Variants in TMEM40 observed in about 807,000 individuals in gnomAD.
The protein encoded by TMEM40 is transmembrane protein 40.
TMEM40 carries 34 observed loss-of-function variants against 40.8 expected under a neutral mutation model. The observed-to-expected ratio is 0.83, with a 90% confidence interval of 0.63 to 1.11. The LOEUF (loss-of-function observed/expected upper bound fraction) is 1.11, where lower values mean the gene tolerates loss of function less well. Among genes scored for constraint, TMEM40 ranks in the 50% least tolerant of loss-of-function variants. The probability of loss-of-function intolerance (pLI) is 0.00; values close to 1 mark genes in which losing one functional copy is unlikely to be tolerated. For synonymous variants in TMEM40, 106 were observed against 107.0 expected (o/e 0.99, Z 0.06); for missense variants, 296 against 280.2 (o/e 1.06, Z -0.40).
chr3:12,738,207 T>C (rs2061352406), intron 6 of TMEM40, 39 bp from the exon 7 acceptor site: 2 of 1,612,104 alleles, frequency 1.2e-6, no homozygotes, highest in Non-Finnish European at 1.7e-6. Flanking sequence ...CCAACCCCGC[T>C]TGGGGTCCTT....
At chr3:12,769,034 TGCGAGAAATCGAGTGCA>T (rs1038483993) in intron 1 of TMEM40, among the ~76,000 whole-genome samples, 2 of 151,912 alleles carry the variant, frequency 1.3e-5, no homozygotes, top group Non-Finnish European at 2.9e-5. Flanking sequence ...GCTAAGGCCC[TGCGAGAAATCGAGTGCA>T]GCGCCAGTAG....
chr3:12,754,313 AAACAACAAC>A (rs60803748), intron 1 of TMEM40, among the ~76,000 whole-genome samples: 1 of 151,966 alleles, frequency 6.6e-6, no homozygotes, highest in East Asian at 1.9e-4. Context: ...TTCCGTCTCA[AAACAACAAC>A]AACAACAACA....
At chr3:12,752,115 G>C (rs1374429101) in intron 1 of TMEM40, among the ~76,000 whole-genome samples, 1 of 151,898 alleles carries the variant, frequency 6.6e-6, no homozygotes, top group Non-Finnish European at 1.5e-5. Context: ...TTTTGACAAG[G>C]TCTCTCTCTA....
At chr3:12,764,262 C>T (rs548203416) in intron 1 of TMEM40, among the ~76,000 whole-genome samples, 2 of 152,284 alleles carry the variant, frequency 1.3e-5, no homozygotes, top group South Asian at 4.1e-4. Flanking sequence ...CAGCACCTGT[C>T]TTAGTCATCT....
chr3:12,749,653 G>C, intron 2 of TMEM40, 107 bp downstream of exon 2: 1 of 923,342 alleles, frequency 1.1e-6, no homozygotes, highest in South Asian at 1.5e-5. Context: ...GCTGTGATTT[G>C]AGGCCCTGTG....
chr3:12,756,619 G>T (rs919540278), intron 1 of TMEM40, among the ~76,000 whole-genome samples: 1 of 152,098 alleles, frequency 6.6e-6, no homozygotes, highest in Admixed American at 6.6e-5. Flanking sequence ...TCCCTGGCTC[G>T]CATCGTCCTA....
intron 6 of TMEM40, 29 bp from the exon 7 acceptor site, chr3:12,738,197 C>T (rs779393165): frequency 1.9e-6 from 3 of 1,613,170 alleles, no homozygotes; most frequent in East Asian, 2.2e-5. Context: ...ACATTAGTGC[C>T]CAACCCCGCT....
At chr3:12,749,570 C>T (rs1296909735) in intron 2 of TMEM40, among the ~76,000 whole-genome samples, 190 bp downstream of exon 2, 2 of 152,196 alleles carry the variant, frequency 1.3e-5, no homozygotes, top group Non-Finnish European at 2.9e-5. Flanking sequence ...CATAGCTAGA[C>T]AGCACAGGAG....
chr3:12,755,008 C>T (rs926976335), intron 1 of TMEM40, among the ~76,000 whole-genome samples: 11 of 144,944 alleles, frequency 7.6e-5, no homozygotes, highest in African/African-American at 2.8e-4. Flanking sequence ...CTTTCTCTTC[C>T]TTCCTCTCTC....
chr3:12,746,897 C>T (rs2061433225), intron 3 of TMEM40, among the ~76,000 whole-genome samples: 2 of 152,178 alleles, frequency 1.3e-5, no homozygotes, highest in Admixed American at 6.5e-5. Context: ...CGGAACACTC[C>T]TTCCTGCCCA....
chr3:12,755,237 T>TCTC (rs1559533397), intron 1 of TMEM40, among the ~76,000 whole-genome samples: 29 of 46,590 alleles, frequency 6.2e-4, no homozygotes, highest in Admixed American at 1.2e-3. Flanking sequence ...CTCTCTCTCT[T>TCTC]TCTTTCTTTC....
intron 11 of TMEM40, 53 bp from the exon 12 acceptor site, chr3:12,734,846 C>T: frequency 6.4e-7 from 1 of 1,568,426 alleles, no homozygotes. Flanking sequence ...AGCCAGGCTT[C>T]ATCCCCACCA....
At chr3:12,767,560 T>A (rs2106625533) in intron 1 of TMEM40, among the ~76,000 whole-genome samples, 1 of 152,236 alleles carries the variant, frequency 6.6e-6, no homozygotes, top group Non-Finnish European at 1.5e-5. Flanking sequence ...AACGTACCCA[T>A]CAGATGGGAG....
chr3:12,753,520 G>A (rs977945078), intron 1 of TMEM40, among the ~76,000 whole-genome samples: 2 of 151,828 alleles, frequency 1.3e-5, no homozygotes, highest in Non-Finnish European at 2.9e-5. Flanking sequence ...CACCACACCC[G>A]GCCTCCACAC....
In TMEM40 at chr3:12,739,985, G is replaced by A. The variant is rs1346485333; in HGVS notation, c.356-1397C>T. Among the ~76,000 whole-genome samples, 9 of 147,262 alleles carry A rather than the reference G, an allele frequency of 6.1e-5. 2 individuals carry two copies. The South Asian group carries it at 1.9e-3, about 32-fold the overall frequency. ...ATTACAGGTGTGAGCCACCATGTCT[G>A]GCTCTCACAATCATAATTTTACATA... is the stretch of plus-strand genomic sequence containing the variant. On this transcript the variant is annotated intron_variant, in intron 5 of 11. Coordinates refer to ENST00000314124, the MANE Select transcript of TMEM40 (RefSeq NM_018306.4).
upstream of TMEM40, among the ~76,000 whole-genome samples, chr3:12,762,436 G>T (rs929349470): frequency 1.3e-5 from 2 of 152,168 alleles, no homozygotes; most frequent in Non-Finnish European, 1.5e-5. Context: ...GTGAGGGTGA[G>T]GGGGACCCCG....
chr3:12,737,492 C>T (rs1373133067), intron 8 of TMEM40: 4 of 600,554 alleles, frequency 6.7e-6, no homozygotes, highest in Non-Finnish European at 1.2e-5. Context: ...AGCTGTAAGG[C>T]CACTCCCCAA....
At chr3:12,741,767 CAAAAAAAA>C (rs59665318) in intron 5 of TMEM40, among the ~76,000 whole-genome samples, 3 of 125,632 alleles carry the variant, frequency 2.4e-5, no homozygotes, top group Non-Finnish European at 3.5e-5. Flanking sequence ...GTTTTTGTAA[CAAAAAAAA>C]AAAAAAAAAG....
chr3:12,736,601 G>T lies in TMEM40; in HGVS notation c.596C>A (p.Thr199Asn). Residue 199 changes from threonine (T) to asparagine (N), a missense_variant, in exon 10 of 12, where the codon ACC (threonine) becomes AAC (asparagine). Transcript: ENST00000314124. ...VGLLTFASLE[T>N]VGIYFGLVYR... ...ACCTAGTCCGAAGTAGATGCCAACG[G>T]TTTCCAGGGAGGCGAAGGTGAGCAG... The T allele has an allele frequency of 6.4e-7, 1 of 1,561,880 alleles. No homozygotes were observed. The highest frequency in any genetic ancestry group is 8.7e-7 in the Non-Finnish European group (1 of 1,152,764).
Sources: allele counts gnomAD v4.1 joint callset (sites outside exome capture counted in the v4.1 genomes callset), GRCh38; gene constraint gnomAD v4.1.1; transcripts MANE v1.5; gene names NCBI Gene and HGNC (gene_info 2026-07-23, HGNC 2026-07-21).